GIT1: variants seen among roughly 807,000 people sequenced by gnomAD.
The protein encoded by GIT1 is ARF GTPase-activating protein GIT1.
A neutral mutation model predicts 91.7 loss-of-function variants in GIT1; 14 were observed. The observed-to-expected ratio is 0.15, with a 90% confidence interval of 0.10 to 0.24. The LOEUF is 0.24. GIT1 is among the 10% of genes least tolerant of loss of function. The pLI is 1.00. For synonymous variants in GIT1, 414 were observed against 418.2 expected (o/e 0.99, Z 0.12); for missense variants, 717 against 1,024.9 (o/e 0.70, Z 4.10).
rs559427281 is a variant in GIT1, at chr17:29,573,974, C to T, written c.*728G>A. The T allele has an allele frequency of 6.6e-5, 10 of 152,626 alleles. No homozygotes were observed. The East Asian group carries it at 1.7e-3, about 26-fold the overall frequency. 9.5% of individuals were successfully genotyped at this position (152,626 alleles called of 1,614,324 possible). Reference sequence around the variant, plus strand: ...CCAGGTGGGGAAGGGAAGCTGATCCCCATGCTGGTCCCACTGCTCTGGTCC... The same window carrying T: ...CCAGGTGGGGAAGGGAAGCTGATCCTCATGCTGGTCCCACTGCTCTGGTCC... On this transcript the variant is annotated 3_prime_UTR_variant, in exon 20 of 20. Transcript: ENST00000225394.
At position 29,576,449 on chromosome 17, in the gene GIT1, A is replaced by G; in HGVS notation, c.1382T>C (p.Ile461Thr). 1 of 1,612,492 alleles carries G rather than the reference A, an allele frequency of 6.2e-7. No homozygotes were observed. The highest frequency in any genetic ancestry group is 8.5e-7 in the Non-Finnish European group (1 of 1,179,402). Residue 461 changes from isoleucine to threonine, a missense_variant and splice_region_variant, in exon 14 of 20, where the codon ATC becomes ACC. Physicochemically the swap from Ile to Thr is moderately conservative, Grantham distance 89 (BLOSUM62 -1). Coordinates refer to ENST00000225394, the MANE Select transcript of GIT1 (RefSeq NM_014030.4). ...SDELRRLQREIHKLQAENLQL... is the reference protein window; with the variant it reads ...SDELRRLQRETHKLQAENLQL... ...CAGGTTCTCCGCCTGCAGCTTGTGG[A>G]TCTATGGGTGCAAAGTGCTGTCAAC...
intron 1 of GIT1, among the ~76,000 whole-genome samples, chr17:29,586,357 T>C (rs547559802): frequency 1.1e-4 from 17 of 152,320 alleles, no homozygotes; most frequent in African/African-American, 3.8e-4. Context: ...CAGCTATCAT[T>C]AGTGTTAGCG....
chr17:29,577,704 C>A lies in GIT1; in HGVS notation c.922G>T (p.Glu308Ter). Residue 308 changes from glutamate (E) to a stop codon, truncating the protein, a stop_gained, in exon 10 of 20, where the codon GAG becomes TAG. Transcript: ENST00000225394. LOFTEE classifies it high-confidence loss of function. ...GGCAGGAAGGGCACGGCACTGCGCT[C>A]TGTCACCAGAGTGCTGTGGTTTTGG... The part of the protein sequence containing the change: ...ATQNHSTLVT[E>*]RSAVPFLPVN... The A allele has an allele frequency of 6.2e-7, 1 of 1,613,006 alleles. No individual in the cohort carries two copies. The highest frequency in any genetic ancestry group is 1.1e-5 in the South Asian group (1 of 91,066).
chr17:29,577,861 G>A (rs1191743312), intron 9 of GIT1, 119 bp from the exon 10 acceptor site: 2 of 683,834 alleles, frequency 2.9e-6, no homozygotes, highest in Non-Finnish European at 5.3e-6. Context: ...CTGGTGTTCA[G>A]AACAGGGGTG....
intron 7 of GIT1, among the ~76,000 whole-genome samples, chr17:29,580,667 A>G (rs1428462213): frequency 6.6e-6 from 1 of 152,064 alleles, no homozygotes; most frequent in African/African-American, 2.4e-5. Flanking sequence ...AAGCCCACCC[A>G]TCTTTTCAGC....
intron 13 of GIT1, 24 bp from the exon 14 acceptor site, chr17:29,576,474 C>T (rs934188748): frequency 9.3e-6 from 15 of 1,612,982 alleles, no homozygotes; most frequent in Admixed American, 3.3e-5. Flanking sequence ...GTGCTGTCAA[C>T]CCCCTGGAGT....
intron 1 of GIT1, among the ~76,000 whole-genome samples, chr17:29,586,234 C>G (rs2033591070): frequency 6.6e-6 from 1 of 152,220 alleles, no homozygotes; most frequent in Admixed American, 6.5e-5. Flanking sequence ...ATATGCGGCC[C>G]AGGCAGCTTT....
At chr17:29,582,395 T>G (rs1374811335) in intron 4 of GIT1, among the ~76,000 whole-genome samples, 1 of 152,248 alleles carries the variant, frequency 6.6e-6, no homozygotes, top group Non-Finnish European at 1.5e-5. Context: ...ATGCTGTTAT[T>G]TCTTTCCCAT....
At position 29,581,845 on chromosome 17, in the gene GIT1, AG is replaced by A. The variant is rs1567773936; in HGVS notation, c.624-10del. The A allele has an allele frequency of 1.2e-6, 2 of 1,611,116 alleles. No homozygotes were observed. Among genetic ancestry groups the A allele is most frequent in the Non-Finnish European group, 1.7e-6 (2 of 1,178,528 alleles). On this transcript the variant is annotated splice_polypyrimidine_tract_variant and intron_variant, in intron 5 of 19. Coordinates refer to ENST00000225394, the MANE Select transcript of GIT1 (RefSeq NM_014030.4). This position sits in a 1 kb window ranked among gnomAD's most constrained non-coding sequence, Gnocchi z 4.8. ...CATGGTGCCCCGCCTGCCTGTGAGG[AG>A]GGGGTATGGCTCAGACCTGCAGCAG...
intron 7 of GIT1, 32 bp from the exon 8 acceptor site, chr17:29,578,811 AGAG>A: frequency 6.2e-7 from 1 of 1,609,770 alleles, no homozygotes; most frequent in Non-Finnish European, 8.5e-7. Context: ...AATTGGGAGG[AGAG>A]GAGAGACCTG....
In GIT1 at chr17:29,574,595, G is replaced by C; in HGVS notation, c.*107C>G. ...TGCCAGGGAGTGTGGCAGCACTAAG[G>C]GCACTTGTGCCAGTGGCTCTGTTGG... On this transcript the variant is annotated 3_prime_UTR_variant, in exon 20 of 20. Coordinates refer to ENST00000225394, the MANE Select transcript of GIT1 (RefSeq NM_014030.4). 1 of 972,460 alleles carries C rather than the reference G, an allele frequency of 1.0e-6. No individual in the cohort carries two copies. Among genetic ancestry groups the C allele is most frequent in the South Asian group, 1.3e-5 (1 of 74,594 alleles). The allele number at this position is 972,460 out of a possible 1,614,324, so 60.2% of individuals were successfully genotyped here. A position where few individuals can be genotyped will look rare whatever the true frequency, so the allele number is the denominator to read the frequency against.
In GIT1 at chr17:29,576,080, G is replaced by A. The variant is rs1314162149; in HGVS notation, c.1663C>T (p.Arg555Trp). The change falls in exon 15 of 20, where the codon CGG (arginine) becomes TGG (tryptophan). Residue 555 changes from arginine (R) to tryptophan (W), a missense_variant and splice_region_variant. This residue lies in a region of GIT1 where 312 missense variants were observed against 349.5 expected (regional missense o/e 0.89). Coordinates refer to ENST00000225394, the MANE Select transcript of GIT1 (RefSeq NM_014030.4). ...YSVHVPAGLY[R>W]IRKGVSASAV... ...GGACACGCCTTCCCCAGGCTTACCC[G>A]GTAAAGGCCAGCAGGGACGTGCACT... The A allele has an allele frequency of 2.5e-6, 4 of 1,613,492 alleles. No homozygotes were observed. The highest frequency in any genetic ancestry group is 2.2e-5 in the East Asian group (1 of 44,878).
At position 29,583,367 on chromosome 17, in the gene GIT1, G is replaced by T. The variant is rs1316235103; in HGVS notation, c.186+116C>A. 5 of 1,100,420 alleles carry T rather than the reference G, an allele frequency of 4.5e-6. No homozygotes were observed. In the East Asian group the frequency reaches 9.9e-5, roughly 22 times the overall value. The allele number at this position is 1,100,420 out of a possible 1,614,324, so 68.2% of individuals were successfully genotyped here. On this transcript the variant is annotated intron_variant, in intron 2 of 19. Coordinates refer to ENST00000225394, the MANE Select transcript of GIT1 (RefSeq NM_014030.4). ...TTAGCCTCTGCCCTAGGGGGGTGCT[G>T]CCCCTTGGAAGCTGCAGATTCCAGA...
chr17:29,574,879 C>T lies in GIT1; in HGVS notation c.2109G>A (p.Arg703=), dbSNP rs1156897610. Reference sequence around the variant, plus strand: ...GCCGGTAGGCGCTGGCGTTGAGCAGCCGCAGTGAGCTCCGCACTGGCTCCA... The same window carrying T: ...GCCGGTAGGCGCTGGCGTTGAGCAGTCGCAGTGAGCTCCGCACTGGCTCCA... ...PALEPVRSSL[R]LLNASAYRLQ... Residue 703 remains arginine (R), a synonymous_variant, in exon 20 of 20, where the codon CGG becomes CGA. Transcript: ENST00000225394. 1.9e-6 allele frequency: 3 copies of T among 1,579,590 alleles called. No homozygotes were observed. Among genetic ancestry groups the T allele is most frequent in the Middle Eastern group, 1.7e-4 (1 of 6,030 alleles).
chr17:29,575,790 G>C lies in GIT1; in HGVS notation c.1752+22C>G, dbSNP rs368859007. 16 of 1,609,930 alleles carry C rather than the reference G, an allele frequency of 9.9e-6. No homozygotes were observed. In the African/African-American group the frequency reaches 1.9e-4, roughly 19 times the overall value. On this transcript the variant is annotated intron_variant, in intron 16 of 19. Transcript: ENST00000225394. The surrounding 1 kb of genome is among the most constrained non-coding windows in gnomAD (Gnocchi z 5.5). Reference sequence around the variant, plus strand: ...CACACGGCCCCCAGCCACCCTGTGGGCACTGGGCATGGAAACATTACCGTG... The same window carrying C: ...CACACGGCCCCCAGCCACCCTGTGGCCACTGGGCATGGAAACATTACCGTG...
intron 1 of GIT1, among the ~76,000 whole-genome samples, chr17:29,588,519 G>A (rs918822810): frequency 2.0e-5 from 3 of 152,224 alleles, no homozygotes; most frequent in Non-Finnish European, 4.4e-5. Flanking sequence ...AGGATACGGG[G>A]AATCTCGGCA....
chr17:29,582,325 C>T (rs927785544), intron 4 of GIT1, among the ~76,000 whole-genome samples, 181 bp from the exon 5 acceptor site: 6 of 152,368 alleles, frequency 3.9e-5, no homozygotes, highest in Middle Eastern at 3.4e-3. Context: ...TAAACGCTGC[C>T]GTCAGTCACC....
chr17:29,584,088 G>A (rs1041961292), intron 1 of GIT1, among the ~76,000 whole-genome samples: 1 of 152,244 alleles, frequency 6.6e-6, no homozygotes, highest in African/African-American at 2.4e-5. Flanking sequence ...CAGCAGGTGA[G>A]GTCCTTTCAT....
rs2033164263 is a variant in GIT1, at chr17:29,575,592, A to T, written c.1826+38T>A. On this transcript the variant is annotated intron_variant, in intron 17 of 19. Transcript: ENST00000225394. This position sits in a 1 kb window ranked among gnomAD's most constrained non-coding sequence, Gnocchi z 5.5. ...GCCCTCTCAACCTCCCCGCCTCGGCATGTGAGCAGGCTGGACTGGAGACCC... is the reference window on the plus strand; with the variant it reads ...GCCCTCTCAACCTCCCCGCCTCGGCTTGTGAGCAGGCTGGACTGGAGACCC... 4 of 1,598,362 alleles carry T rather than the reference A, an allele frequency of 2.5e-6. No homozygotes were observed. Among genetic ancestry groups the T allele is most frequent in the Non-Finnish European group, 2.6e-6 (3 of 1,170,172 alleles).
Sources: allele counts gnomAD v4.1 joint callset (sites outside exome capture counted in the v4.1 genomes callset), GRCh38; gene constraint gnomAD v4.1.1; regional missense constraint gnomAD v4.1.1; non-coding constraint Gnocchi (gnomAD v3.1); transcripts MANE v1.5; gene names NCBI Gene and HGNC (gene_info 2026-07-23, HGNC 2026-07-21).